Variants in ADAM12 observed in about 807,000 individuals in gnomAD.
The protein encoded by ADAM12 is disintegrin and metalloproteinase domain-containing protein 12.
Under a neutral mutation model 106.4 loss-of-function variants are expected in ADAM12, and 70 were observed. That is an observed-to-expected ratio of 0.66 (90% confidence interval 0.54 to 0.80). The LOEUF (loss-of-function observed/expected upper bound fraction) is 0.80, where lower values mean the gene tolerates loss of function less well. ADAM12 is among the 30% of genes least tolerant of loss of function. The pLI, the probability that ADAM12 is intolerant of heterozygous loss-of-function variation, is 0.00. For missense variants in ADAM12, 1,010 were observed against 1,171.9 expected (o/e 0.86, Z 2.02); for synonymous variants, 420 against 433.5 (o/e 0.97, Z 0.39).
intron 3 of ADAM12, among the ~76,000 whole-genome samples, chr10:126,157,687 C>T (rs116560105): frequency 0.016 from 2,476 of 152,352 alleles, 74 homozygotes; most frequent in African/African-American, 0.056. Context: ...CTGCCCCTCA[C>T]TCTCCTCAGC....
chr10:126,098,573 T>C (rs2290844), intron 9 of ADAM12, 73 bp from the exon 10 acceptor site: 125,637 of 1,289,298 alleles, frequency 0.097, 7,582 homozygotes, highest in South Asian at 0.2. Context: ...AAAAATTCTG[T>C]TGGATATTCC....
intron 4 of ADAM12, among the ~76,000 whole-genome samples, chr10:126,148,227 T>C (rs2133706445): frequency 6.6e-6 from 1 of 152,298 alleles, no homozygotes; most frequent in South Asian, 2.1e-4. Context: ...AAGAAAAAAA[T>C]AGCACTATAC....
Position 126,127,027 on chromosome 10 carries a change from G to A in ADAM12, c.416+8557C>T, listed in dbSNP as rs116519894. Among the ~76,000 whole-genome samples the A allele has an allele frequency of 7.7e-3, 1,170 of 152,330 alleles. 14 individuals carry two copies. The highest frequency in any genetic ancestry group is 0.026 in the African/African-American group (1,068 of 41,566). On this transcript the variant is annotated intron_variant, in intron 5 of 22. Coordinates refer to ENST00000448723, the MANE Select transcript of ADAM12 (RefSeq NM_001288973.2). ...GCAGATGCCACCTGGCAAAACCACC[G>A]TGGCTGGTGGCCAGTGGATCCCTGT... is the stretch of plus-strand genomic sequence containing the variant.
At chr10:126,089,784 C>A (rs868024837) in intron 11 of ADAM12, among the ~76,000 whole-genome samples, 9 of 152,120 alleles carry the variant, frequency 5.9e-5, no homozygotes, top group Middle Eastern at 3.4e-3. Context: ...TGGTCCCCTG[C>A]ACCTGAACTC....
chr10:126,063,364 C>T lies in ADAM12; in HGVS notation c.1609+1442G>A, dbSNP rs78581288. Among the ~76,000 whole-genome samples the T allele has an allele frequency of 8.7e-3, 1,325 of 152,338 alleles. 14 individuals are homozygous for T. The highest frequency in any genetic ancestry group is 0.034 in the Middle Eastern group (10 of 294). On this transcript the variant is annotated intron_variant, in intron 14 of 22. Coordinates refer to ENST00000448723, the MANE Select transcript of ADAM12 (RefSeq NM_001288973.2). ...TGGGCCTCCCAGCAGGACCCAGCTC[C>T]GAGAGACATCCATCTTGTTTTCCAT...
chr10:126,347,344 T>C (rs1855182197), intron 1 of ADAM12, among the ~76,000 whole-genome samples: 1 of 152,220 alleles, frequency 6.6e-6, no homozygotes, highest in Non-Finnish European at 1.5e-5. Context: ...ATGTTGAATA[T>C]CGGCCCCCAC....
At chr10:126,226,190 G>T (rs1216413890) in intron 3 of ADAM12, among the ~76,000 whole-genome samples, 1 of 151,452 alleles carries the variant, frequency 6.6e-6, no homozygotes, top group Non-Finnish European at 1.5e-5. Context: ...AGGTGGTGGT[G>T]GGGGGAGGGG....
Position 126,043,326 on chromosome 10 carries a change from A to G in ADAM12, c.1996-178T>C, listed in dbSNP as rs957544041. ...ACTACACACCACACAGGGGCGACCA[A>G]ACCTGAGGCTGTGAAGATGCATCAT... On this transcript the variant is annotated intron_variant, in intron 17 of 22. Coordinates refer to ENST00000448723, the MANE Select transcript of ADAM12 (RefSeq NM_001288973.2). This position sits in a 1 kb window ranked among gnomAD's most constrained non-coding sequence, Gnocchi z 4.1. Among the ~76,000 whole-genome samples the G allele has an allele frequency of 1.3e-5, 2 of 152,166 alleles. No homozygotes were observed. The highest frequency in any genetic ancestry group is 4.8e-5 in the African/African-American group (2 of 41,436).
intron 3 of ADAM12, among the ~76,000 whole-genome samples, chr10:126,243,627 T>C (rs207471542): frequency 6.6e-6 from 1 of 152,162 alleles, no homozygotes; most frequent in African/African-American, 2.4e-5. Context: ...AATACATTTT[T>C]ATTGACTTCT....
At chr10:126,220,035 C>T (rs926697231) in intron 3 of ADAM12, among the ~76,000 whole-genome samples, 14 of 152,168 alleles carry the variant, frequency 9.2e-5, no homozygotes, top group African/African-American at 9.7e-5. Flanking sequence ...CCAAGTAGGA[C>T]GTCTCTGAAT....
chr10:126,155,779 TC>T (rs1956804325), intron 3 of ADAM12, among the ~76,000 whole-genome samples: 4 of 152,126 alleles, frequency 2.6e-5, no homozygotes, highest in African/African-American at 9.7e-5. Flanking sequence ...CCCTGCTGGC[TC>T]CCCCGCAGGT....
At chr10:126,331,940 C>T (rs1854526239) in intron 1 of ADAM12, among the ~76,000 whole-genome samples, 1 of 152,186 alleles carries the variant, frequency 6.6e-6, no homozygotes. Context: ...AGTCCTTCTC[C>T]TGGCTGCAAG....
Position 126,136,434 on chromosome 10 carries a change from C to T in ADAM12, c.340-774G>A, listed in dbSNP as rs564784461. Among the ~76,000 whole-genome samples the T allele has an allele frequency of 6.2e-4, 94 of 152,184 alleles. 2 individuals are homozygous for T. Among genetic ancestry groups the T allele is most frequent in the Non-Finnish European group, 4.0e-4 (27 of 68,030 alleles). On this transcript the variant is annotated intron_variant, in intron 4 of 22. Transcript: ENST00000448723. ...ATACTCAGTACTCCTCACTCAGATC[C>T]TCTGGACGCCAGCTGGGTGCAGGTC... is the stretch of plus-strand genomic sequence containing the variant.
intron 17 of ADAM12, among the ~76,000 whole-genome samples, chr10:126,044,747 T>C (rs1315122098): frequency 6.6e-6 from 1 of 152,208 alleles, no homozygotes; most frequent in Non-Finnish European, 1.5e-5. Context: ...AGATAGGCTT[T>C]AATAAGTTAG....
intron 1 of ADAM12, among the ~76,000 whole-genome samples, chr10:126,353,364 C>T (rs1024551013): frequency 6.6e-6 from 1 of 152,174 alleles, no homozygotes; most frequent in Non-Finnish European, 1.5e-5. Context: ...GATGGTGGAG[C>T]TCCCAGGGAG....
chr10:126,111,551 G>A (rs765747092), intron 6 of ADAM12, among the ~76,000 whole-genome samples: 6 of 152,214 alleles, frequency 3.9e-5, no homozygotes, highest in Non-Finnish European at 8.8e-5. Context: ...AAAAGCTCAT[G>A]GAAAGGAATC....
At chr10:126,158,031 C>A (rs189746196) in intron 3 of ADAM12, among the ~76,000 whole-genome samples, 5 of 152,056 alleles carry the variant, frequency 3.3e-5, no homozygotes, top group Admixed American at 2.0e-4. Context: ...AGGTGACAGG[C>A]GAGGTGAACG....
At chr10:126,261,563 G>A (rs1959001694) in intron 3 of ADAM12, among the ~76,000 whole-genome samples, 1 of 152,088 alleles carries the variant, frequency 6.6e-6, no homozygotes, top group African/African-American at 2.4e-5. Context: ...AAACGGTGGT[G>A]GATTTAGGCC....
At chr10:126,359,900 A>T (rs1181213799) in intron 1 of ADAM12, among the ~76,000 whole-genome samples, 1 of 152,204 alleles carries the variant, frequency 6.6e-6, no homozygotes, top group Non-Finnish European at 1.5e-5. Flanking sequence ...CCCCTGCAGC[A>T]AACTTCTGCC....
Sources: allele counts gnomAD v4.1 joint callset (sites outside exome capture counted in the v4.1 genomes callset), GRCh38; gene constraint gnomAD v4.1.1; non-coding constraint Gnocchi (gnomAD v3.1); transcripts MANE v1.5; gene names NCBI Gene and HGNC (gene_info 2026-07-23, HGNC 2026-07-21).